The following MAPK10 variants were observed in gnomAD, a reference collection of about 807,000 sequenced individuals.
The protein encoded by MAPK10 is mitogen-activated protein kinase 10, also known as JNK3 alpha protein kinase.
MAPK10 carries 25 observed loss-of-function variants against 59.3 expected under a neutral mutation model. The ratio of observed to expected loss-of-function variants is 0.42; its 90% CI spans 0.31 to 0.59. MAPK10 has a LOEUF of 0.59. MAPK10 is among the 20% of genes least tolerant of loss of function. MAPK10 has a pLI of 0.15. For synonymous variants in MAPK10, 190 were observed against 200.5 expected, an observed-to-expected ratio of 0.95 and a Z score of 0.44; for missense variants, 351 against 568.9, an observed-to-expected ratio of 0.62 and a Z score of 3.90.
intron 9 of MAPK10, chr4:86,089,301 A>G: frequency 6.7e-7 from 1 of 1,497,064 alleles, no homozygotes; most frequent in Non-Finnish European, 9.3e-7. Context: ...TGAAATGAAG[A>G]TAAACAAGAA....
chr4:86,197,076 G>GT (rs1381149137), intron 2 of MAPK10, among the ~76,000 whole-genome samples: 1 of 152,112 alleles, frequency 6.6e-6, no homozygotes, highest in African/African-American at 2.4e-5. Flanking sequence ...ATTTAAAGTA[G>GT]TTTTTTCTAA....
chr4:86,179,475 G>A (rs916791574), intron 3 of MAPK10, among the ~76,000 whole-genome samples: 3 of 151,834 alleles, frequency 2.0e-5, no homozygotes, highest in East Asian at 1.9e-4. Context: ...AAATACCAAC[G>A]ACATTCTTCC....
chr4:86,398,738 T>C (rs1454834410), intron 1 of MAPK10, among the ~76,000 whole-genome samples: 2 of 152,118 alleles, frequency 1.3e-5, no homozygotes, highest in East Asian at 3.8e-4. Flanking sequence ...AATAGTTAGT[T>C]TTACAACCCT....
chr4:86,556,744 A>T (rs1760298899), intron 1 of MAPK10, among the ~76,000 whole-genome samples: 1 of 152,184 alleles, frequency 6.6e-6, no homozygotes, highest in South Asian at 2.1e-4. Flanking sequence ...TTCGAGTCTT[A>T]GATGAAAAAG....
At chr4:86,420,985 G>C (rs1746454598) in intron 1 of MAPK10, among the ~76,000 whole-genome samples, 1 of 151,958 alleles carries the variant, frequency 6.6e-6, no homozygotes, top group Non-Finnish European at 1.5e-5. Flanking sequence ...GGGAGGCTGA[G>C]GCAGGAGAAT....
chr4:86,450,510 A>G (rs952450888), intron 1 of MAPK10, among the ~76,000 whole-genome samples: 1 of 152,206 alleles, frequency 6.6e-6, no homozygotes, highest in African/African-American at 2.4e-5. Context: ...AAAATGGGGG[A>G]AAAACAGAGA....
intron 1 of MAPK10, among the ~76,000 whole-genome samples, chr4:86,373,265 G>A (rs1739190710): frequency 6.6e-6 from 1 of 152,092 alleles, no homozygotes; most frequent in African/African-American, 2.4e-5. Flanking sequence ...AACTCAAGAT[G>A]GATTAAAGAC....
intron 2 of MAPK10, among the ~76,000 whole-genome samples, chr4:86,227,279 A>T (rs375796856): frequency 6.6e-6 from 1 of 152,138 alleles, no homozygotes; most frequent in Non-Finnish European, 1.5e-5. Flanking sequence ...CGAGGTCAGG[A>T]GATCGAGACC....
chr4:86,034,881 G>A (rs907584668), intron 11 of MAPK10, among the ~76,000 whole-genome samples: 3 of 152,136 alleles, frequency 2.0e-5, no homozygotes, highest in Non-Finnish European at 4.4e-5. Context: ...GTTACAGTAT[G>A]TAGAAAACAG....
chr4:86,572,139 G>A (rs945425922), intron 1 of MAPK10, among the ~76,000 whole-genome samples: 7 of 151,928 alleles, frequency 4.6e-5, no homozygotes, highest in African/African-American at 1.7e-4. Context: ...CCAGAACAGT[G>A]GAAACACTAC....
chr4:86,020,985 T>A (rs1370820553), intron 13 of MAPK10: 1 of 152,192 alleles, frequency 6.6e-6, no homozygotes, highest in Non-Finnish European at 1.5e-5. Flanking sequence ...TCCTGCTGAT[T>A]GGTAGAGCCG....
At chr4:86,172,286 G>A (rs1013723854) in intron 3 of MAPK10, among the ~76,000 whole-genome samples, 4 of 144,514 alleles carry the variant, frequency 2.8e-5, no homozygotes, top group Admixed American at 2.7e-4. Flanking sequence ...TATGTTTATT[G>A]CGGCACTATT....
At chr4:86,181,272 A>C (rs1414604310) in intron 3 of MAPK10, among the ~76,000 whole-genome samples, 1 of 152,112 alleles carries the variant, frequency 6.6e-6, no homozygotes, top group Non-Finnish European at 1.5e-5. Flanking sequence ...ATAAGGAGCC[A>C]AAAGGAGTTT....
intron 1 of MAPK10, among the ~76,000 whole-genome samples, chr4:86,377,804 C>T (rs954099349): frequency 8.5e-5 from 13 of 152,078 alleles, no homozygotes; most frequent in African/African-American, 1.9e-4. Flanking sequence ...TTATATAGTC[C>T]GAGTTCCAAA....
At chr4:86,295,802 T>C (rs2095347267) in intron 2 of MAPK10, among the ~76,000 whole-genome samples, 1 of 146,956 alleles carries the variant, frequency 6.8e-6, no homozygotes, top group Admixed American at 6.9e-5. Flanking sequence ...TTTCCCATCC[T>C]CTTTTCTCTC....
At position 86,018,792 on chromosome 4, in the gene MAPK10, A is replaced by C. The variant is rs549955381; in HGVS notation, c.1253-1422T>G. ...TAAGAGATGAGGAATTCTCACTAAA[A>C]TTATATCTTATTTGAGCAAATATAG... On this transcript the variant is annotated intron_variant, in intron 13 of 13. Coordinates refer to ENST00000641462, the MANE Select transcript of MAPK10 (RefSeq NM_138982.4). Among the ~76,000 whole-genome samples the C allele has an allele frequency of 4.1e-4, 62 of 152,372 alleles. 1 individual carries two copies. Among genetic ancestry groups the C allele is most frequent in the Non-Finnish European group, 6.8e-4 (46 of 68,034 alleles).
At position 86,354,594 on chromosome 4, in the gene MAPK10, G is replaced by T; in HGVS notation, c.-71C>A. The T allele has an allele frequency of 8.1e-7, 1 of 1,231,428 alleles. No individual in the cohort carries two copies. The highest frequency in any genetic ancestry group is 1.0e-6 in the Non-Finnish European group (1 of 987,442). The allele number at this position is 1,231,428 out of a possible 1,614,324, so 76.3% of individuals were successfully genotyped here. ...AATTCAACAGTTTCTTGCATAAGTT[G>T]CCATAGTGAAGATCTGAGATGGGCC... On this transcript the variant is annotated 5_prime_UTR_variant, in exon 2 of 14. Transcript: ENST00000641462.
At chr4:86,553,468 T>C (rs997167971) in intron 1 of MAPK10, among the ~76,000 whole-genome samples, 2 of 152,182 alleles carry the variant, frequency 1.3e-5, no homozygotes, top group Admixed American at 1.3e-4. Flanking sequence ...AAAGAAAATA[T>C]GCTTTGCTTA....
intron 9 of MAPK10, among the ~76,000 whole-genome samples, chr4:86,078,355 T>C (rs1449117919): frequency 6.6e-6 from 1 of 152,204 alleles, no homozygotes; most frequent in Non-Finnish European, 1.5e-5. Flanking sequence ...CATCTTTATT[T>C]CTTTGCCCCA....
Sources: allele counts gnomAD v4.1 joint callset (sites outside exome capture counted in the v4.1 genomes callset), GRCh38; gene constraint gnomAD v4.1.1; transcripts MANE v1.5; gene names NCBI Gene and HGNC (gene_info 2026-07-23, HGNC 2026-07-21).